Variants in DSCAM observed in about 807,000 individuals in gnomAD.
The protein encoded by DSCAM is cell adhesion molecule DSCAM.
DSCAM carries 47 observed loss-of-function variants against 217.7 expected under a neutral mutation model. The observed-to-expected ratio is 0.22, with a 90% confidence interval of 0.17 to 0.28. DSCAM has a LOEUF of 0.28. Ranked by LOEUF, DSCAM falls within the 10% of genes least tolerant of loss-of-function variation. The probability of loss-of-function intolerance (pLI) is 1.00; values close to 1 mark genes in which losing one functional copy is unlikely to be tolerated. For missense variants in DSCAM, 2,080 were observed against 2,618.3 expected (o/e 0.79, Z 4.49); for synonymous variants, 1,056 against 1,015.3 (o/e 1.04, Z -0.76).
intron 3 of DSCAM, among the ~76,000 whole-genome samples, chr21:40,482,052 C>T (rs1054098474): frequency 6.6e-6 from 1 of 152,222 alleles, no homozygotes; most frequent in Non-Finnish European, 1.5e-5. Flanking sequence ...CAACACCACT[C>T]CGGGGGGAAG....
intron 32 of DSCAM, among the ~76,000 whole-genome samples, chr21:40,017,119 AAG>A (rs1309308155): frequency 6.7e-6 from 1 of 150,064 alleles, no homozygotes; most frequent in Non-Finnish European, 1.5e-5. Context: ...AAAAAAAAAA[AAG>A]TATAAGAGAA....
At chr21:40,227,074 T>C (rs2146915332) in intron 11 of DSCAM, among the ~76,000 whole-genome samples, 1 of 152,322 alleles carries the variant, frequency 6.6e-6, no homozygotes. Flanking sequence ...GCAAAGGACA[T>C]GATCTCATTC....
chr21:40,453,094 G>GTGTGT (rs2075734792), intron 3 of DSCAM, among the ~76,000 whole-genome samples: 1 of 132,408 alleles, frequency 7.6e-6, no homozygotes, highest in Non-Finnish European at 1.6e-5. Flanking sequence ...GTGTGTGTGA[G>GTGTGT]ATATATGTGT....
In DSCAM at chr21:40,078,695, T is replaced by A. The variant is rs529032863; in HGVS notation, c.4703A>T (p.Tyr1568Phe). 6.2e-7 allele frequency: 1 copy of A among 1,613,104 alleles called. No homozygotes were observed. Among genetic ancestry groups the A allele is most frequent in the South Asian group, 1.1e-5 (1 of 91,032 alleles). The change falls in exon 26 of 33, where the codon TAC (tyrosine) becomes TTC (phenylalanine). Residue 1568 changes from tyrosine to phenylalanine, a missense_variant. Tyr to Phe is a conservative substitution (Grantham distance 22). Coordinates refer to ENST00000400454, the MANE Select transcript of DSCAM (RefSeq NM_001389.5). ...AAAGCCAGCCAGCTTACTGCCATCG[T>A]AGTTCAGCGTAGCGAAGTTGGCCTG... is the stretch of plus-strand genomic sequence containing the variant. ...EKQANFATLN[Y>F]DGSTIPPLIK...
intron 8 of DSCAM, among the ~76,000 whole-genome samples, chr21:40,320,674 A>G (rs1320123201): frequency 1.3e-5 from 2 of 152,212 alleles, no homozygotes; most frequent in Admixed American, 6.5e-5. Context: ...CCCACCTTAC[A>G]TGGATGGCAT....
At chr21:40,686,241 CCACACACAG>C (rs1429349903) in intron 3 of DSCAM, among the ~76,000 whole-genome samples, 1 of 148,990 alleles carries the variant, frequency 6.7e-6, no homozygotes, top group African/African-American at 2.5e-5. Flanking sequence ...AGCTCACACA[CCACACACAG>C]CACACACTCC....
At chr21:40,686,217 A>ACACACACACACACACCCTC (rs1555880551) in intron 3 of DSCAM, among the ~76,000 whole-genome samples, 11 of 146,694 alleles carry the variant, frequency 7.5e-5, no homozygotes, top group South Asian at 4.4e-4. Flanking sequence ...CCACACACAC[A>ACACACACACACACACCCTC]CACACACACA....
Position 40,846,760 on chromosome 21 carries a change from GGCCGCCGCCCGCCCGCCGCCCGCCGCC to G in DSCAM, c.-126_-100del, listed in dbSNP as rs1016853007. The G allele has an allele frequency of 3.1e-5, 15 of 489,628 alleles. No homozygotes were observed. In the South Asian group the frequency reaches 4.0e-4, roughly 13 times the overall value. 30.3% of individuals were successfully genotyped at this position (489,628 alleles called of 1,614,324 possible). ...GCTCGCCGCTCGGCACCTGCCCGGG[GGCCGCCGCCCGCCCGCCGCCCGCCGCC>G]GCCGCCGCCGCTGCCTAGCCGCCCG... On this transcript the variant is annotated 5_prime_UTR_variant, in exon 1 of 33. Transcript: ENST00000400454.
At chr21:40,686,846 A>T (rs1260076723) in intron 3 of DSCAM, among the ~76,000 whole-genome samples, 1 of 152,202 alleles carries the variant, frequency 6.6e-6, no homozygotes, top group Non-Finnish European at 1.5e-5. Flanking sequence ...AATTACTTTC[A>T]GGTGGCAGCG....
At chr21:40,219,242 T>A (rs1259701049) in intron 11 of DSCAM, among the ~76,000 whole-genome samples, 3 of 152,214 alleles carry the variant, frequency 2.0e-5, no homozygotes, top group African/African-American at 7.2e-5. Context: ...ATCCTGTGGC[T>A]TTTGTCTTTA....
chr21:40,400,258 A>G (rs2075221560), intron 3 of DSCAM, among the ~76,000 whole-genome samples: 3 of 152,226 alleles, frequency 2.0e-5, no homozygotes, highest in Admixed American at 2.0e-4. Context: ...TAAAAATGAA[A>G]TAGTAACCCC....
chr21:40,361,012 C>T (rs2074757319), intron 4 of DSCAM, among the ~76,000 whole-genome samples: 2 of 152,090 alleles, frequency 1.3e-5, no homozygotes, highest in African/African-American at 4.8e-5. Context: ...TGAAGCAATG[C>T]TTGAGACAGG....
In DSCAM at chr21:40,603,445, A is replaced by C. The variant is rs572466518; in HGVS notation, c.508+89365T>G. ...GGGTGCTGAAGCCCCTAACTATAAC[A>C]GCAAGTTTTTCTAATTCTGCTTATG... On this transcript the variant is annotated intron_variant, in intron 3 of 32. Transcript: ENST00000400454. Among the ~76,000 whole-genome samples, 12 of 152,308 alleles carry C rather than the reference A, an allele frequency of 7.9e-5. No homozygotes were observed. The East Asian group carries it at 2.3e-3, about 29-fold the overall frequency.
chr21:40,255,916 G>A (rs1260885742), intron 11 of DSCAM, among the ~76,000 whole-genome samples: 3 of 152,204 alleles, frequency 2.0e-5, no homozygotes, highest in Admixed American at 1.3e-4. Context: ...GAGGAGCACA[G>A]TGCTGCGGAC....
chr21:40,019,918 C>G (rs963385594), intron 32 of DSCAM, among the ~76,000 whole-genome samples: 3 of 152,160 alleles, frequency 2.0e-5, no homozygotes, highest in Non-Finnish European at 2.9e-5. Flanking sequence ...CCACATTTCC[C>G]CCCTTCCCCT....
intron 2 of DSCAM, among the ~76,000 whole-genome samples, chr21:40,698,597 C>A (rs2146461569): frequency 6.6e-6 from 1 of 152,238 alleles, no homozygotes; most frequent in South Asian, 2.1e-4. Context: ...AGGCTGGGTG[C>A]AGTGGCTCAC....
chr21:40,366,423 A>G (rs773593665), intron 4 of DSCAM, among the ~76,000 whole-genome samples: 2 of 152,034 alleles, frequency 1.3e-5, no homozygotes, highest in Admixed American at 6.6e-5. Context: ...TTTTAATTTT[A>G]GAACTCTTCA....
intron 8 of DSCAM, among the ~76,000 whole-genome samples, chr21:40,315,463 T>A (rs2074186173): frequency 6.6e-6 from 1 of 151,268 alleles, no homozygotes; most frequent in East Asian, 1.9e-4. Context: ...TATTAGAATG[T>A]CCCTTTAGAG....
chr21:40,223,513 T>C (rs1261552627), intron 11 of DSCAM, among the ~76,000 whole-genome samples: 1 of 148,986 alleles, frequency 6.7e-6, no homozygotes, highest in African/African-American at 2.5e-5. Context: ...CAGAAGAGTA[T>C]TTTTAAACAT....
Sources: allele counts gnomAD v4.1 joint callset (sites outside exome capture counted in the v4.1 genomes callset), GRCh38; gene constraint gnomAD v4.1.1; transcripts MANE v1.5; gene names NCBI Gene and HGNC (gene_info 2026-07-23, HGNC 2026-07-21).